The following EPHB1 variants were observed in gnomAD, a reference collection of about 807,000 sequenced individuals.
EPHB1 encodes EPH receptor B1.
In EPHB1, 30 loss-of-function variants were observed where a neutral mutation model predicts 94.4. The observed-to-expected ratio is 0.32, with a 90% CI of 0.24 to 0.43. The LOEUF is 0.43. Among genes scored for constraint, EPHB1 ranks in the 20% least tolerant of loss-of-function variants. The pLI is 1.00. For missense variants in EPHB1, 1,055 were observed against 1,308.3 expected (o/e 0.81, Z 2.99); for synonymous variants, 522 against 489.1 (o/e 1.07, Z -0.89).
At chr3:134,921,086 T>C (rs1234104902) in intron 1 of EPHB1, among the ~76,000 whole-genome samples, 2 of 152,068 alleles carry the variant, frequency 1.3e-5, no homozygotes, top group Non-Finnish European at 2.9e-5. Flanking sequence ...CCTTCCCAGG[T>C]TCCTGCAAGT....
At chr3:135,237,058 C>T (rs1236736508) in intron 12 of EPHB1, among the ~76,000 whole-genome samples, 1 of 152,086 alleles carries the variant, frequency 6.6e-6, no homozygotes, top group Non-Finnish European at 1.5e-5. Context: ...TCATCATTAC[C>T]ATGTCCCCAG....
At chr3:135,050,425 T>A (rs1049668018) in intron 3 of EPHB1, among the ~76,000 whole-genome samples, 5 of 152,232 alleles carry the variant, frequency 3.3e-5, no homozygotes, top group African/African-American at 1.2e-4. Flanking sequence ...TTGTCATATT[T>A]TTGCCATCAT....
At chr3:135,093,813 G>A (rs2107792741) in intron 3 of EPHB1, among the ~76,000 whole-genome samples, 1 of 152,024 alleles carries the variant, frequency 6.6e-6, no homozygotes, top group East Asian at 1.9e-4. Flanking sequence ...TTTTTAAAAT[G>A]TGCATAATCT....
chr3:135,230,743 C>T (rs987275106), intron 12 of EPHB1, among the ~76,000 whole-genome samples: 4 of 152,064 alleles, frequency 2.6e-5, no homozygotes, highest in South Asian at 2.1e-4. Context: ...TAGTAGTCTG[C>T]GGTGTCTGTT....
chr3:135,113,792 C>G (rs1304967681), intron 4 of EPHB1, among the ~76,000 whole-genome samples: 1 of 152,202 alleles, frequency 6.6e-6, no homozygotes, highest in Non-Finnish European at 1.5e-5. Flanking sequence ...ACACTTGTTG[C>G]TTTAACTGTT....
At chr3:135,190,981 C>T (rs1942441201) in intron 10 of EPHB1, among the ~76,000 whole-genome samples, 1 of 152,104 alleles carries the variant, frequency 6.6e-6, no homozygotes, top group Non-Finnish European at 1.5e-5. Context: ...GTGGTGCACA[C>T]CTGTGGTCCC....
rs1395603998 is a variant in EPHB1, at chr3:134,975,778, GC to G, written c.805+23727del. Among the ~76,000 whole-genome samples the G allele has an allele frequency of 4.5e-4, 38 of 85,028 alleles. 1 individual carries two copies. Among genetic ancestry groups the G allele is most frequent in the South Asian group, 2.3e-3 (8 of 3,454 alleles). 55.8% of individuals were successfully genotyped at this position (85,028 alleles called of 152,430 possible). ...TAGAATAATAGAAAGATTTAAGAGG[GC>G]AGGGGGGGAGTGAGAAAGACAACAT... On this transcript the variant is annotated intron_variant, in intron 3 of 15. Coordinates refer to ENST00000398015, the MANE Select transcript of EPHB1 (RefSeq NM_004441.5).
chr3:135,011,887 T>C (rs1935632305), intron 3 of EPHB1, among the ~76,000 whole-genome samples: 1 of 152,236 alleles, frequency 6.6e-6, no homozygotes, highest in Admixed American at 6.5e-5. Context: ...ATTTTTCTCT[T>C]TTTTCCTATC....
chr3:134,930,223 G>T (rs1008150294), intron 2 of EPHB1, among the ~76,000 whole-genome samples: 2 of 152,198 alleles, frequency 1.3e-5, no homozygotes, highest in African/African-American at 4.8e-5. Context: ...ATAGGAAGGG[G>T]TTGGACCACT....
intron 3 of EPHB1, among the ~76,000 whole-genome samples, chr3:134,993,559 C>T (rs1307440260): frequency 6.6e-6 from 1 of 152,102 alleles, no homozygotes; most frequent in Admixed American, 6.5e-5. Flanking sequence ...TGCACTGGCC[C>T]CAGTACAAGG....
chr3:135,109,170 G>C (rs1939342376), intron 4 of EPHB1, among the ~76,000 whole-genome samples: 1 of 152,194 alleles, frequency 6.6e-6, no homozygotes, highest in South Asian at 2.1e-4. Flanking sequence ...TTTACCTGGT[G>C]AATCCTGGCA....
chr3:135,173,967 A>T (rs1053850079), intron 9 of EPHB1, among the ~76,000 whole-genome samples: 1 of 152,210 alleles, frequency 6.6e-6, no homozygotes, highest in Non-Finnish European at 1.5e-5. Context: ...CTGACTGCTC[A>T]TCAACTGCAA....
At chr3:135,178,956 G>A (rs934014940) in intron 9 of EPHB1, among the ~76,000 whole-genome samples, 9 of 152,060 alleles carry the variant, frequency 5.9e-5, no homozygotes, top group South Asian at 2.1e-4. Flanking sequence ...GCTTAATGAC[G>A]TATCAAACAT....
chr3:135,203,238 G>A (rs1183628196), intron 12 of EPHB1, among the ~76,000 whole-genome samples: 1 of 152,084 alleles, frequency 6.6e-6, no homozygotes, highest in South Asian at 2.1e-4. Context: ...ACACACTGGG[G>A]TTTGTCAGCA....
intron 3 of EPHB1, among the ~76,000 whole-genome samples, chr3:135,049,924 G>A (rs1406014465): frequency 5.3e-5 from 8 of 152,156 alleles, no homozygotes; most frequent in Non-Finnish European, 8.8e-5. Flanking sequence ...AAGCTGGCTG[G>A]TCCCTGATGT....
At chr3:135,129,272 G>GA (rs1553738894) in intron 4 of EPHB1, among the ~76,000 whole-genome samples, 1 of 152,084 alleles carries the variant, frequency 6.6e-6, no homozygotes, top group Non-Finnish European at 1.5e-5. Context: ...AACAGACATG[G>GA]AGCAGCATCG....
intron 3 of EPHB1, among the ~76,000 whole-genome samples, chr3:135,045,065 C>G (rs1243929303): frequency 2.6e-5 from 4 of 152,104 alleles, no homozygotes; most frequent in Non-Finnish European, 5.9e-5. Context: ...CTGGGAGATC[C>G]TGTCAGGGTG....
intron 1 of EPHB1, among the ~76,000 whole-genome samples, chr3:134,885,586 C>A (rs922743826): frequency 6.6e-6 from 1 of 152,298 alleles, no homozygotes; most frequent in East Asian, 1.9e-4. Flanking sequence ...AGTTCTGTAG[C>A]TGTATAACTC....
intron 3 of EPHB1, among the ~76,000 whole-genome samples, chr3:134,999,476 T>G (rs1250342991): frequency 6.6e-6 from 1 of 152,172 alleles, no homozygotes; most frequent in Non-Finnish European, 1.5e-5. Context: ...TTACCAGAAC[T>G]GGTGAGGGCC....
Sources: allele counts gnomAD v4.1 joint callset (sites outside exome capture counted in the v4.1 genomes callset), GRCh38; gene constraint gnomAD v4.1.1; transcripts MANE v1.5; gene names NCBI Gene and HGNC (gene_info 2026-07-23, HGNC 2026-07-21).